The following EBF3 variants were observed in gnomAD, a reference collection of about 807,000 sequenced individuals.
The protein encoded by EBF3 is transcription factor COE3.
In EBF3, 18 loss-of-function variants were observed where a neutral mutation model predicts 77.1. The observed-to-expected ratio is 0.23, with a 90% CI of 0.16 to 0.35. The LOEUF is 0.35. EBF3 is among the 10% of genes least tolerant of loss of function. EBF3 has a pLI of 1.00. For missense variants in EBF3, 558 were observed against 860.0 expected, an observed-to-expected ratio of 0.65 and a Z score of 4.39; for synonymous variants, 350 against 343.5, an observed-to-expected ratio of 1.02 and a Z score of -0.21.
chr10:129,924,546 T>C (rs1004787884), intron 6 of EBF3, among the ~76,000 whole-genome samples: 1 of 151,754 alleles, frequency 6.6e-6, no homozygotes, highest in Non-Finnish European at 1.5e-5. Flanking sequence ...GCGGGCCCTG[T>C]GGAAAATAGT....
chr10:129,910,042 G>A (rs1039591317), intron 6 of EBF3, among the ~76,000 whole-genome samples: 30 of 152,378 alleles, frequency 2.0e-4, no homozygotes, highest in Non-Finnish European at 8.8e-5. Context: ...TAAGCAACGC[G>A]TGGAGAGGAG....
chr10:129,946,024 A>AG (rs1284935911), intron 6 of EBF3, among the ~76,000 whole-genome samples: 3 of 152,212 alleles, frequency 2.0e-5, no homozygotes, highest in African/African-American at 7.2e-5. Flanking sequence ...CAAAAAAAAA[A>AG]AAAAATCCTG....
intron 6 of EBF3, among the ~76,000 whole-genome samples, chr10:129,945,107 A>AG (rs1246212822): frequency 3.7e-4 from 2 of 5,390 alleles, no homozygotes; most frequent in Non-Finnish European, 4.0e-4. Context: ...AGGGGAGGGG[A>AG]AGGGGGGGGA....
Position 129,927,105 on chromosome 10 carries a change from C to T in EBF3, c.554+30153G>A, listed in dbSNP as rs188530479. 1.1e-4 allele frequency among the ~76,000 whole-genome samples: 17 copies of T among 152,296 alleles called. No homozygotes were observed. In the East Asian group the frequency reaches 3.3e-3, roughly 30 times the overall value. ...AACCTAAAAGCCTGAAGAGCCACTG[C>T]CAGTCCATTCAGTTGCTTATTGCCT... On this transcript the variant is annotated intron_variant, in intron 6 of 16. Coordinates refer to ENST00000440978, the MANE Select transcript of EBF3 (RefSeq NM_001375380.1).
Position 129,848,417 on chromosome 10 carries a change from G to C in EBF3, c.1103C>G (p.Pro368Arg), listed in dbSNP as rs753611916. The part of the protein sequence containing the change: ...QRLQKVIPRH[P>R]GDPERLPKEV... ...CTTGGGTAACCTTTCGGGATCACCC[G>C]GATGTCTTGGGATCACTTTCTGCAA... Residue 368 changes from proline to arginine, a missense_variant, in exon 11 of 17, where the codon CCG becomes CGG. Physicochemically the swap from Pro to Arg is moderately radical, Grantham distance 103. Around this residue, in one of 5 missense-constraint regions of EBF3, gnomAD observed 284 missense variants for 368.3 expected, o/e 0.77. Coordinates refer to ENST00000440978, the MANE Select transcript of EBF3 (RefSeq NM_001375380.1). The surrounding 1 kb of genome is among the most constrained non-coding windows in gnomAD (Gnocchi z 4.4). 3 of 1,614,062 alleles carry C rather than the reference G, an allele frequency of 1.9e-6. No individual in the cohort carries two copies. The highest frequency in any genetic ancestry group is 3.3e-5 in the Admixed American group (2 of 59,994).
intron 8 of EBF3, 113 bp downstream of exon 8, chr10:129,873,339 G>A (rs1332298048): frequency 1.6e-6 from 2 of 1,261,336 alleles, no homozygotes; most frequent in African/African-American, 1.5e-5. Flanking sequence ...GGTGCAGGAG[G>A]TCTGACCAAG....
chr10:129,875,187 C>CTTCTTCTTTTTTTTTTTTTTT (rs1852672323), intron 7 of EBF3, among the ~76,000 whole-genome samples: 2 of 92,932 alleles, frequency 2.2e-5, no homozygotes, highest in African/African-American at 8.2e-5. Flanking sequence ...ATGGCTTCTT[C>CTTCTTCTTTTTTTTTTTTTTT]TTTTTTTTTT....
chr10:129,963,924 C>A lies in EBF3; in HGVS notation c.-156G>T, dbSNP rs1859738293. ...CCGGCTTCAGCCCGTCCCGGGCAGGCGCGACATACACCAGCGGCCGGGCGC... is the reference window on the plus strand; with the variant it reads ...CCGGCTTCAGCCCGTCCCGGGCAGGAGCGACATACACCAGCGGCCGGGCGC... On this transcript the variant is annotated 5_prime_UTR_variant, in exon 1 of 17. Transcript: ENST00000440978. This position sits in a 1 kb window ranked among gnomAD's most constrained non-coding sequence, Gnocchi z 7.1. 1 of 1,098,768 alleles carries A rather than the reference C, an allele frequency of 9.1e-7. No individual in the cohort carries two copies. The highest frequency in any genetic ancestry group is 1.7e-5 in the African/African-American group (1 of 58,934). The allele number at this position is 1,098,768 out of a possible 1,614,324, so 68.1% of individuals were successfully genotyped here.
chr10:129,898,922 C>T (rs1188659685), intron 6 of EBF3, among the ~76,000 whole-genome samples: 1 of 152,250 alleles, frequency 6.6e-6, no homozygotes, highest in Non-Finnish European at 1.5e-5. Context: ...TTTGCATCCT[C>T]GGATAACGTG....
intron 5 of EBF3, 119 bp from the exon 6 acceptor site, chr10:129,957,445 G>A (rs1859128964): frequency 1.3e-6 from 1 of 791,366 alleles, no homozygotes; most frequent in Non-Finnish European, 2.0e-6. Context: ...TACCAAGGCA[G>A]TTTGGAGAAT....
chr10:129,880,477 G>GCACATACATATGCACACA (rs571323472), intron 6 of EBF3, among the ~76,000 whole-genome samples: 1 of 151,628 alleles, frequency 6.6e-6, no homozygotes, highest in African/African-American at 2.4e-5. Flanking sequence ...GCACACATAC[G>GCACATACATATGCACACA]CACATACATA....
intron 6 of EBF3, among the ~76,000 whole-genome samples, chr10:129,904,118 C>G (rs1219729167): frequency 6.6e-6 from 1 of 152,194 alleles, no homozygotes; most frequent in East Asian, 1.9e-4. Flanking sequence ...AATTCATGCC[C>G]TTCCACCTAG....
intron 15 of EBF3, among the ~76,000 whole-genome samples, chr10:129,839,880 G>T (rs1233128434): frequency 6.6e-6 from 1 of 152,206 alleles, no homozygotes; most frequent in Non-Finnish European, 1.5e-5. Context: ...GCCAGGCCCC[G>T]GGCAAAGGCC....
chr10:129,848,594 G>T lies in EBF3; in HGVS notation c.1040-114C>A. 9.0e-7 allele frequency: 1 copy of T among 1,105,812 alleles called. No individual in the cohort carries two copies. The highest frequency in any genetic ancestry group is 1.4e-6 in the Non-Finnish European group (1 of 723,664). 68.5% of individuals were successfully genotyped at this position (1,105,812 alleles called of 1,614,324 possible). ...GTTCTCCTGCTCTGATGCTCTCTAAGGCAAGCACCCCTGAATACTAGCTGT... is the reference window on the plus strand; with the variant it reads ...GTTCTCCTGCTCTGATGCTCTCTAATGCAAGCACCCCTGAATACTAGCTGT... On this transcript the variant is annotated intron_variant, in intron 10 of 16. Coordinates refer to ENST00000440978, the MANE Select transcript of EBF3 (RefSeq NM_001375380.1). The surrounding 1 kb of genome is among the most constrained non-coding windows in gnomAD (Gnocchi z 4.4).
In EBF3 at chr10:129,870,560, A is replaced by G. The variant is rs895534391; in HGVS notation, c.782-2648T>C. 6.6e-6 allele frequency among the ~76,000 whole-genome samples: 1 copy of G among 152,100 alleles called. No homozygotes were observed. Among genetic ancestry groups the G allele is most frequent in the Non-Finnish European group, 1.5e-5 (1 of 68,004 alleles). On this transcript the variant is annotated intron_variant, in intron 8 of 16. Transcript: ENST00000440978. This position sits in a 1 kb window ranked among gnomAD's most constrained non-coding sequence, Gnocchi z 4.4. ...GGCGAGTCTCCCCTGCGGATCTGAC[A>G]TGCGCCACCATGACCTGTTTTTAAC... is the stretch of plus-strand genomic sequence containing the variant.
At chr10:129,960,628 CTTT>C (rs34551386) in intron 4 of EBF3, among the ~76,000 whole-genome samples, 105 of 115,196 alleles carry the variant, frequency 9.1e-4, no homozygotes, top group Non-Finnish European at 1.1e-3. Flanking sequence ...TATTTCTTTC[CTTT>C]TTTTTTTTTT....
intron 10 of EBF3, among the ~76,000 whole-genome samples, chr10:129,853,122 G>A (rs543704633): frequency 1.3e-5 from 2 of 152,308 alleles, no homozygotes; most frequent in East Asian, 1.9e-4. Context: ...AGTGTGCGCC[G>A]CCTGTAAGTA....
chr10:129,936,502 A>C (rs1407197011), intron 6 of EBF3, among the ~76,000 whole-genome samples: 2 of 151,958 alleles, frequency 1.3e-5, no homozygotes. Flanking sequence ...GTGAGGACCC[A>C]AGGGCTATGC....
chr10:129,893,831 C>T (rs1210788392), intron 6 of EBF3, among the ~76,000 whole-genome samples: 2 of 152,248 alleles, frequency 1.3e-5, no homozygotes, highest in African/African-American at 4.8e-5. Context: ...AGGTCAACAG[C>T]AAGGTGAGCG....
Sources: allele counts gnomAD v4.1 joint callset (sites outside exome capture counted in the v4.1 genomes callset), GRCh38; gene constraint gnomAD v4.1.1; regional missense constraint gnomAD v4.1.1; non-coding constraint Gnocchi (gnomAD v3.1); transcripts MANE v1.5; gene names NCBI Gene and HGNC (gene_info 2026-07-23, HGNC 2026-07-21).